The following CAMKMT variants were observed in gnomAD, a reference collection of about 807,000 sequenced individuals.
CAMKMT encodes calmodulin-lysine N-methyltransferase, also known as CaM KMT.
CAMKMT carries 53 observed loss-of-function variants against 48.0 expected under a neutral mutation model. That is an observed-to-expected ratio of 1.10 (90% CI 0.89 to 1.39). The LOEUF is 1.39. CAMKMT is among the 40% of genes most tolerant of loss of function. The pLI, the probability that CAMKMT is intolerant of heterozygous loss-of-function variation, is 0.00. For synonymous variants in CAMKMT, 165 were observed against 152.3 expected, an observed-to-expected ratio of 1.08 and a Z score of -0.61; for missense variants, 428 against 402.7, an observed-to-expected ratio of 1.06 and a Z score of -0.54.
At chr2:44,449,089 G>C (rs936751742) in intron 3 of CAMKMT, among the ~76,000 whole-genome samples, 2 of 152,178 alleles carry the variant, frequency 1.3e-5, no homozygotes, top group African/African-American at 4.8e-5. Context: ...AAACTATTAA[G>C]TTGTACCATT....
intron 3 of CAMKMT, among the ~76,000 whole-genome samples, chr2:44,675,839 C>T (rs1675656349): frequency 6.6e-6 from 1 of 152,150 alleles, no homozygotes; most frequent in African/African-American, 2.4e-5. Flanking sequence ...TCTCCCCTCC[C>T]CCAGCCCTTG....
intron 3 of CAMKMT, chr2:44,550,912 T>C (rs1374300616): frequency 6.6e-6 from 1 of 152,224 alleles, no homozygotes; most frequent in African/African-American, 2.4e-5. Flanking sequence ...AGAATGGGGC[T>C]TGAGACTAAA....
chr2:44,721,944 T>G (rs925134703), intron 7 of CAMKMT, among the ~76,000 whole-genome samples: 1 of 152,214 alleles, frequency 6.6e-6, no homozygotes, highest in Admixed American at 6.5e-5. Flanking sequence ...CACTGATCTA[T>G]GTTCTGTTGC....
At chr2:44,748,936 T>C (rs967415238) in intron 8 of CAMKMT, among the ~76,000 whole-genome samples, 2 of 152,222 alleles carry the variant, frequency 1.3e-5, no homozygotes, top group African/African-American at 4.8e-5. Flanking sequence ...TAATTCTTAA[T>C]GGTTATTAAT....
chr2:44,756,357 T>G (rs1357522573), intron 9 of CAMKMT, among the ~76,000 whole-genome samples: 1 of 152,196 alleles, frequency 6.6e-6, no homozygotes, highest in Non-Finnish European at 1.5e-5. Flanking sequence ...AGGTTTTATT[T>G]CATTACAATT....
chr2:44,606,291 A>C (rs1158733297), intron 3 of CAMKMT, among the ~76,000 whole-genome samples: 1 of 152,218 alleles, frequency 6.6e-6, no homozygotes, highest in Non-Finnish European at 1.5e-5. Flanking sequence ...TTAAGTGATA[A>C]TATATGATCA....
At position 44,613,475 on chromosome 2, in the gene CAMKMT, T is replaced by A. The variant is rs114028213; in HGVS notation, c.377-90808T>A. Among the ~76,000 whole-genome samples the A allele has an allele frequency of 6.7e-3, 1,023 of 152,300 alleles. 9 individuals carry two copies. Among genetic ancestry groups the A allele is most frequent in the Non-Finnish European group, 7.6e-3 (514 of 68,034 alleles). ...CAACATCATTCTGATTGGTCAGGAC[T>A]GTATGCTGTGCCAGTTGTTAAAATA... On this transcript the variant is annotated intron_variant, in intron 3 of 10. Transcript: ENST00000378494.
intron 9 of CAMKMT, among the ~76,000 whole-genome samples, chr2:44,759,836 C>G (rs567961182): frequency 6.6e-6 from 1 of 152,280 alleles, no homozygotes; most frequent in South Asian, 2.1e-4. Context: ...ATCTCTGCCC[C>G]CAAAGACGTT....
intron 7 of CAMKMT, among the ~76,000 whole-genome samples, chr2:44,725,839 CT>C (rs765704166): frequency 7.8e-4 from 111 of 143,056 alleles, no homozygotes; most frequent in Admixed American, 1.2e-3. Flanking sequence ...AGTTCTATTT[CT>C]TTTTTTTTTT....
At chr2:44,664,270 C>G (rs917739581) in intron 3 of CAMKMT, among the ~76,000 whole-genome samples, 2 of 152,168 alleles carry the variant, frequency 1.3e-5, no homozygotes, top group Non-Finnish European at 2.9e-5. Context: ...TAAAATGAGG[C>G]TAATGATGCC....
chr2:44,387,993 G>A (rs560171389), intron 2 of CAMKMT, among the ~76,000 whole-genome samples: 4 of 152,068 alleles, frequency 2.6e-5, no homozygotes, highest in Non-Finnish European at 5.9e-5. Context: ...TTTGATAATC[G>A]ATGGCAGTGT....
chr2:44,379,920 G>C (rs771492966), intron 2 of CAMKMT, among the ~76,000 whole-genome samples: 2 of 151,840 alleles, frequency 1.3e-5, no homozygotes, highest in African/African-American at 2.4e-5. Flanking sequence ...CTCCTAGCCT[G>C]TGCATTTTCT....
Position 44,673,453 on chromosome 2 carries a change from AAGAG to A in CAMKMT, c.377-30828_377-30825del, listed in dbSNP as rs1407101551. Among the ~76,000 whole-genome samples, 566 of 135,604 alleles carry A rather than the reference AAGAG, an allele frequency of 4.2e-3. 9 individuals carry two copies. Among genetic ancestry groups the A allele is most frequent in the African/African-American group, 0.015 (522 of 34,648 alleles). The allele number at this position is 135,604 out of a possible 152,430, so 89.0% of individuals were successfully genotyped here. A position where few individuals can be genotyped will look rare whatever the true frequency, so the allele number is the denominator to read the frequency against. On this transcript the variant is annotated intron_variant, in intron 3 of 10. Transcript: ENST00000378494. ...AAAAAAAAAAAAAAAGAGAGAGAGAAAGAGAAAGAAAGAGAGAGAGGAAGGAAGG... is the reference window on the plus strand; with the variant it reads ...AAAAAAAAAAAAAAAGAGAGAGAGAAAAAGAAAGAGAGAGAGGAAGGAAGG...
chr2:44,372,416 G>T (rs903110815), intron 1 of CAMKMT, among the ~76,000 whole-genome samples: 1 of 151,506 alleles, frequency 6.6e-6, no homozygotes, highest in East Asian at 1.9e-4. Flanking sequence ...ACCCAGCTGG[G>T]TGACAGGCTG....
Position 44,444,968 on chromosome 2 carries a change from G to A in CAMKMT, c.376+54663G>A, listed in dbSNP as rs532115513. On this transcript the variant is annotated intron_variant, in intron 3 of 10. Coordinates refer to ENST00000378494, the MANE Select transcript of CAMKMT (RefSeq NM_024766.5). ...TCCCAAATTCAATTCCAAGCTTTGG[G>A]TCAAAGCCCTGGGAAAGAAAACTGG... Among the ~76,000 whole-genome samples the A allele has an allele frequency of 5.3e-5, 8 of 152,234 alleles. No homozygotes were observed. In the South Asian group the frequency reaches 1.7e-3, roughly 32 times the overall value.
chr2:44,471,679 G>A (rs1478404052), intron 3 of CAMKMT, among the ~76,000 whole-genome samples: 2 of 152,122 alleles, frequency 1.3e-5, no homozygotes, highest in South Asian at 2.1e-4. Flanking sequence ...GCATTTACTA[G>A]CTATGTGAGT....
At chr2:44,587,507 G>C (rs971390846) in intron 3 of CAMKMT, among the ~76,000 whole-genome samples, 2 of 115,822 alleles carry the variant, frequency 1.7e-5, no homozygotes, top group Admixed American at 1.2e-4. Flanking sequence ...CTCCTTCCAC[G>C]GTCTCCCTCT....
At chr2:44,764,220 G>A (rs1016788640) in intron 9 of CAMKMT, among the ~76,000 whole-genome samples, 5 of 152,156 alleles carry the variant, frequency 3.3e-5, no homozygotes, top group African/African-American at 2.4e-5. Context: ...GCCTGAGTGT[G>A]TACAGGCTGA....
intron 2 of CAMKMT, among the ~76,000 whole-genome samples, chr2:44,383,903 T>C (rs1680512063): frequency 6.6e-6 from 1 of 152,196 alleles, no homozygotes; most frequent in Non-Finnish European, 1.5e-5. Context: ...GGTTCCACGA[T>C]TTTGCAATTG....
Sources: allele counts gnomAD v4.1 joint callset (sites outside exome capture counted in the v4.1 genomes callset), GRCh38; gene constraint gnomAD v4.1.1; transcripts MANE v1.5; gene names NCBI Gene and HGNC (gene_info 2026-07-23, HGNC 2026-07-21).